Variants in GSG1L observed in about 807,000 individuals in gnomAD.
The protein encoded by GSG1L is GSG1 like.
In GSG1L, 24 loss-of-function variants were observed where a neutral mutation model predicts 42.1. That is an observed-to-expected ratio of 0.57 (90% CI 0.41 to 0.80). GSG1L has a LOEUF of 0.80. Among genes scored for constraint, GSG1L ranks in the 30% least tolerant of loss-of-function variants. GSG1L has a pLI of 0.00. For missense variants in GSG1L, 445 were observed against 472.2 expected (o/e 0.94, Z 0.53); for synonymous variants, 215 against 203.5 (o/e 1.06, Z -0.48).
chr16:28,041,218 A>G (rs893548351), intron 1 of GSG1L, among the ~76,000 whole-genome samples: 25 of 152,090 alleles, frequency 1.6e-4, no homozygotes, highest in African/African-American at 5.6e-4. Context: ...TGGGAGGCTG[A>G]GGTAGGTGGA....
chr16:28,057,968 A>G (rs1454753695), intron 1 of GSG1L, among the ~76,000 whole-genome samples: 1 of 152,190 alleles, frequency 6.6e-6, no homozygotes, highest in African/African-American at 2.4e-5. Flanking sequence ...TTTTACACAC[A>G]AGGAAAGAAA....
chr16:27,822,749 T>C (rs2083163788), intron 5 of GSG1L, among the ~76,000 whole-genome samples: 2 of 152,130 alleles, frequency 1.3e-5, no homozygotes, highest in Admixed American at 1.3e-4. Context: ...CCGTAATTGA[T>C]TGGGCCTCTG....
Position 27,791,348 on chromosome 16 carries a change from G to A in GSG1L, c.*22C>T, listed in dbSNP as rs1242357348. ...TGGTGCCAGCGATGGCCTGAGGTCC[G>A]CGGGCCAGGTTGAGGTCTTGGTCAC... On this transcript the variant is annotated 3_prime_UTR_variant, in exon 7 of 7. Transcript: ENST00000447459. The A allele has an allele frequency of 4.6e-5, 62 of 1,359,056 alleles. No homozygotes were observed. Among genetic ancestry groups the A allele is most frequent in the Non-Finnish European group, 5.7e-5 (59 of 1,038,524 alleles). The allele number at this position is 1,359,056 out of a possible 1,614,324, so 84.2% of individuals were successfully genotyped here.
intron 2 of GSG1L, among the ~76,000 whole-genome samples, chr16:27,916,610 A>G (rs1567517633): frequency 6.6e-6 from 1 of 151,050 alleles, no homozygotes; most frequent in Admixed American, 6.6e-5. Flanking sequence ...GGCATGAACT[A>G]CTGTGCCATG....
chr16:27,979,661 A>AAGAAAGAAAGAAAG lies in GSG1L; in HGVS notation c.350-16459_350-16458insCTTTCTTTCTTTCT, dbSNP rs368394279. Among the ~76,000 whole-genome samples the AAGAAAGAAAGAAAG allele has an allele frequency of 6.5e-4, 44 of 67,712 alleles. 3 individuals are homozygous for AAGAAAGAAAGAAAG. The highest frequency in any genetic ancestry group is 4.8e-3 in the South Asian group (5 of 1,048). The allele number at this position is 67,712 out of a possible 152,430, so 44.4% of individuals were successfully genotyped here. On this transcript the variant is annotated intron_variant, in intron 1 of 6. Coordinates refer to ENST00000447459, the MANE Select transcript of GSG1L (RefSeq NM_001109763.2). Reference sequence around the variant, plus strand: ...GGGAGGGGAAAGAAAGAAAGAAAGAAAGAGAGAGAGAGAGAGAGAAAGAAA... The same window carrying AAGAAAGAAAGAAAG: ...GGGAGGGGAAAGAAAGAAAGAAAGAAAGAAAGAAAGAAAGAGAGAGAGAGAGAGAGAGAAAGAAA...
intron 6 of GSG1L, among the ~76,000 whole-genome samples, chr16:27,806,246 A>G (rs992579215): frequency 1.3e-5 from 2 of 152,116 alleles, no homozygotes; most frequent in African/African-American, 4.8e-5. Context: ...CTCACAGGCC[A>G]AAATTGGGCT....
chr16:27,949,065 G>A (rs1048568668), intron 2 of GSG1L, among the ~76,000 whole-genome samples: 9 of 151,634 alleles, frequency 5.9e-5, no homozygotes, highest in East Asian at 3.9e-4. Flanking sequence ...CTACAGGCAC[G>A]TGCCACCATG....
intron 3 of GSG1L, among the ~76,000 whole-genome samples, chr16:27,883,583 G>A (rs907066939): frequency 2.0e-5 from 3 of 152,168 alleles, no homozygotes; most frequent in Admixed American, 6.5e-5. Context: ...GAGGCTCATC[G>A]TTTTGGTTTC....
rs190373998 is a variant in GSG1L, at chr16:27,993,369, C to T, written c.350-30166G>A. 2.8e-3 allele frequency among the ~76,000 whole-genome samples: 424 copies of T among 152,206 alleles called. 3 individuals carry two copies. Among genetic ancestry groups the T allele is most frequent in the African/African-American group, 0.01 (415 of 41,500 alleles). On this transcript the variant is annotated intron_variant, in intron 1 of 6. Coordinates refer to ENST00000447459, the MANE Select transcript of GSG1L (RefSeq NM_001109763.2). ...TTCACCATGTTGCCCAGGCTGGCCT[C>T]GAACTCCTGAGCTCAGGTAATCTGC...
At chr16:28,025,101 C>T (rs1186840073) in intron 1 of GSG1L, among the ~76,000 whole-genome samples, 1 of 152,240 alleles carries the variant, frequency 6.6e-6, no homozygotes, top group Non-Finnish European at 1.5e-5. Context: ...GAAAGCCAAC[C>T]TTGCAGGACT....
In GSG1L at chr16:27,877,178, C is replaced by T. The variant is rs376639188; in HGVS notation, c.550+7308G>A. 7.9e-5 allele frequency among the ~76,000 whole-genome samples: 12 copies of T among 152,222 alleles called. 1 individual carries two copies. Among genetic ancestry groups the T allele is most frequent in the Admixed American group, 2.0e-4 (3 of 15,284 alleles). On this transcript the variant is annotated intron_variant, in intron 3 of 6. Transcript: ENST00000447459. Reference sequence around the variant, plus strand: ...CCTGTCTTCCCCAATACCTCTCGACCGAAGTCACAAGACTTGGGGGGAGTG... The same window carrying T: ...CCTGTCTTCCCCAATACCTCTCGACTGAAGTCACAAGACTTGGGGGGAGTG...
intron 3 of GSG1L, among the ~76,000 whole-genome samples, chr16:27,866,314 A>G (rs950822437): frequency 6.6e-6 from 1 of 152,170 alleles, no homozygotes; most frequent in African/African-American, 2.4e-5. Flanking sequence ...AATATTACCA[A>G]TTCTGTTACA....
At chr16:27,846,618 C>A (rs1054397567) in intron 3 of GSG1L, among the ~76,000 whole-genome samples, 1 of 152,106 alleles carries the variant, frequency 6.6e-6, no homozygotes. Context: ...CTCAAAGATA[C>A]CTTGGTGGAA....
intron 6 of GSG1L, among the ~76,000 whole-genome samples, chr16:27,796,901 G>A (rs970272933): frequency 2.6e-5 from 4 of 152,132 alleles, no homozygotes; most frequent in African/African-American, 9.7e-5. Context: ...CTGGCTGCTG[G>A]GTTTACAGAC....
At chr16:27,937,053 C>T (rs2084726847) in intron 2 of GSG1L, among the ~76,000 whole-genome samples, 2 of 152,186 alleles carry the variant, frequency 1.3e-5, no homozygotes, top group South Asian at 4.1e-4. Flanking sequence ...ATGACCTTCG[C>T]TGCTCTGATG....
chr16:27,796,533 T>C (rs1036258456), intron 6 of GSG1L, among the ~76,000 whole-genome samples: 3 of 152,222 alleles, frequency 2.0e-5, no homozygotes, highest in African/African-American at 7.2e-5. Context: ...GTTGCATCCC[T>C]GCATCAGCAT....
At chr16:27,888,499 CT>C (rs1567505940) in intron 2 of GSG1L, among the ~76,000 whole-genome samples, 3 of 6,480 alleles carry the variant, frequency 4.6e-4, no homozygotes, top group African/African-American at 1.2e-3. Context: ...TTCTTTCTTT[CT>C]TTCTTTCTTT....
At chr16:27,861,835 C>G (rs1375653229) in intron 3 of GSG1L, among the ~76,000 whole-genome samples, 1 of 152,198 alleles carries the variant, frequency 6.6e-6, no homozygotes, top group Non-Finnish European at 1.5e-5. Context: ...ATTCCAGTCC[C>G]TTCTGCAAGG....
rs1567505760 is a variant in GSG1L at position 27,888,466 on chromosome 16, C to CTT, written c.398-3829_398-3828insAA. 7.4e-4 allele frequency among the ~76,000 whole-genome samples: 27 copies of CTT among 36,582 alleles called. 4 individuals are homozygous for CTT. The highest frequency in any genetic ancestry group is 2.3e-3 in the African/African-American group (26 of 11,236). The allele number at this position is 36,582 out of a possible 152,430, so 24.0% of individuals were successfully genotyped here. A position where few individuals can be genotyped will look rare whatever the true frequency, so the allele number is the denominator to read the frequency against. ...TTTCTTTCTTTCTTTCTTTCTTTCT[C>CTT]TCTCTCTCTCTCTTTCCTTTCTTTC... On this transcript the variant is annotated intron_variant, in intron 2 of 6. Coordinates refer to ENST00000447459, the MANE Select transcript of GSG1L (RefSeq NM_001109763.2).
Sources: allele counts gnomAD v4.1 joint callset (sites outside exome capture counted in the v4.1 genomes callset), GRCh38; gene constraint gnomAD v4.1.1; transcripts MANE v1.5; gene names NCBI Gene and HGNC (gene_info 2026-07-23, HGNC 2026-07-21).